The following UBTD1 variants were observed in gnomAD, a reference collection of about 807,000 sequenced individuals.
UBTD1 encodes ubiquitin domain containing 1.
UBTD1 carries 19 observed loss-of-function variants against 21.7 expected under a neutral mutation model. The ratio of observed to expected loss-of-function variants is 0.87; its 90% CI spans 0.61 to 1.28. The LOEUF is 1.28. UBTD1 is among the 50% of genes most tolerant of loss of function. The probability of loss-of-function intolerance (pLI) is 0.00; values close to 1 mark genes in which losing one functional copy is unlikely to be tolerated. For synonymous variants in UBTD1, 116 were observed against 135.1 expected (o/e 0.86, Z 0.98); for missense variants, 282 against 315.1 (o/e 0.89, Z 0.80).
chr10:97,554,485 G>A (rs1205697115), intron 1 of UBTD1, among the ~76,000 whole-genome samples: 9 of 151,920 alleles, frequency 5.9e-5, no homozygotes, highest in African/African-American at 1.9e-4. Context: ...GGACTCAAGC[G>A]ATCCACCTGC....
intron 1 of UBTD1, among the ~76,000 whole-genome samples, chr10:97,552,440 G>GGCTGGAGT (rs1436608789): frequency 7.6e-6 from 1 of 131,156 alleles, no homozygotes; most frequent in African/African-American, 2.8e-5. Flanking sequence ...CTGTGACCCA[G>GGCTGGAGT]GCTGGAGTGC....
chr10:97,558,630 G>GC lies in UBTD1; in HGVS notation c.71-9282dup, dbSNP rs573495547. Reference sequence around the variant, plus strand: ...CAAGTCAGGTAGCCTCAGGGCTGGGGCCGACATGAATTTTTTTTTTTTTTT... The same window carrying GC: ...CAAGTCAGGTAGCCTCAGGGCTGGGGCCCGACATGAATTTTTTTTTTTTTTT... On this transcript the variant is annotated intron_variant, in intron 1 of 2. Transcript: ENST00000370664. Among the ~76,000 whole-genome samples, 286 of 151,244 alleles carry GC rather than the reference G, an allele frequency of 1.9e-3. 1 individual carries two copies. The highest frequency in any genetic ancestry group is 6.9e-3 in the African/African-American group (280 of 40,686).
rs544483632 is a variant in UBTD1 at position 97,570,675 on chromosome 10, C to T, written c.*152C>T. On this transcript the variant is annotated 3_prime_UTR_variant, in exon 3 of 3. Transcript: ENST00000370664. This position sits in a 1 kb window ranked among gnomAD's most constrained non-coding sequence, Gnocchi z 6.6. ...AGGGACCCTGCCTTTCAGGGCACTA[C>T]GCGCCACCAGTTCCCGGTACCCAGG... 1.1e-4 allele frequency: 107 copies of T among 942,538 alleles called. No individual in the cohort carries two copies. The South Asian group carries it at 1.5e-3, about 13-fold the overall frequency. 58.4% of individuals were successfully genotyped at this position (942,538 alleles called of 1,614,324 possible). A position where few individuals can be genotyped will look rare whatever the true frequency, so the allele number is the denominator to read the frequency against.
At chr10:97,543,343 C>T (rs2040594903) in intron 1 of UBTD1, among the ~76,000 whole-genome samples, 1 of 152,216 alleles carries the variant, frequency 6.6e-6, no homozygotes, top group Non-Finnish European at 1.5e-5. Context: ...GGCACAGCTG[C>T]CTGCATGGCC....
At chr10:97,508,255 G>A (rs543405219) in intron 1 of UBTD1, among the ~76,000 whole-genome samples, 6 of 152,332 alleles carry the variant, frequency 3.9e-5, no homozygotes, top group Admixed American at 6.5e-5. Flanking sequence ...CAGAGCCCAC[G>A]CTTTGGGCCA....
chr10:97,565,670 C>T (rs189778984), intron 1 of UBTD1, among the ~76,000 whole-genome samples: 51 of 152,018 alleles, frequency 3.4e-4, no homozygotes, highest in Admixed American at 1.2e-3. Flanking sequence ...AAAAGACATC[C>T]GAATCTCAAT....
intron 1 of UBTD1, among the ~76,000 whole-genome samples, chr10:97,535,667 AC>A (rs1387113352): frequency 6.6e-6 from 1 of 152,096 alleles, no homozygotes; most frequent in Non-Finnish European, 1.5e-5. Flanking sequence ...AGTGGCTCAT[AC>A]CTATAATTCT....
intron 1 of UBTD1, among the ~76,000 whole-genome samples, chr10:97,541,001 C>T (rs1181452668): frequency 6.6e-6 from 1 of 152,144 alleles, no homozygotes; most frequent in Non-Finnish European, 1.5e-5. Flanking sequence ...AGGGGTTGGT[C>T]TTGCTGCCCT....
intron 1 of UBTD1, among the ~76,000 whole-genome samples, chr10:97,560,765 G>C (rs894989626): frequency 6.6e-5 from 10 of 151,720 alleles, no homozygotes; most frequent in African/African-American, 2.2e-4. Context: ...TTCCTAGTAG[G>C]GTGGGCTTAT....
intron 1 of UBTD1, among the ~76,000 whole-genome samples, chr10:97,556,189 A>G (rs551249557): frequency 8.5e-5 from 13 of 152,136 alleles, no homozygotes; most frequent in African/African-American, 2.6e-4. Context: ...AAATTCTTCT[A>G]TTGCTGGGAA....
Position 97,570,439 on chromosome 10 carries a change from C to G in UBTD1, c.600C>G (p.Asp200Glu). 4 of 1,613,252 alleles carry G rather than the reference C, an allele frequency of 2.5e-6. No individual in the cohort carries two copies. The highest frequency in any genetic ancestry group is 3.4e-6 in the Non-Finnish European group (4 of 1,179,954). The change falls in exon 3 of 3, where the codon GAC becomes GAG. Residue 200 changes from aspartate (D) to glutamate (E), a missense_variant. Asp to Glu is a conservative substitution (Grantham distance 45). Coordinates refer to ENST00000370664, the MANE Select transcript of UBTD1 (RefSeq NM_024954.5). The surrounding 1 kb of genome is among the most constrained non-coding windows in gnomAD (Gnocchi z 6.6). ...RWFFSGKLLT[D>E]RTRLQETKIQ... Reference sequence around the variant, plus strand: ...TCTTCTCCGGGAAGCTGCTCACAGACCGCACACGGCTCCAGGAGACCAAGA... The same window carrying G: ...TCTTCTCCGGGAAGCTGCTCACAGAGCGCACACGGCTCCAGGAGACCAAGA...
chr10:97,511,780 A>G (rs770449911), intron 1 of UBTD1, among the ~76,000 whole-genome samples: 1 of 152,202 alleles, frequency 6.6e-6, no homozygotes, highest in Non-Finnish European at 1.5e-5. Context: ...TGAAATCAGT[A>G]TAATTTATTA....
At chr10:97,516,051 G>A (rs1010141140) in intron 1 of UBTD1, among the ~76,000 whole-genome samples, 4 of 152,242 alleles carry the variant, frequency 2.6e-5, no homozygotes, top group African/African-American at 9.6e-5. Context: ...ACCCTCGGCA[G>A]AGCCCACCTG....
At chr10:97,547,301 G>A (rs1456454988) in intron 1 of UBTD1, among the ~76,000 whole-genome samples, 1 of 152,178 alleles carries the variant, frequency 6.6e-6, no homozygotes, top group African/African-American at 2.4e-5. Context: ...TCCCCTTCCT[G>A]GAGTCCTGAG....
chr10:97,499,655 C>A (rs1486902530), intron 1 of UBTD1, among the ~76,000 whole-genome samples: 1 of 152,184 alleles, frequency 6.6e-6, no homozygotes, highest in African/African-American at 2.4e-5. Context: ...GGCAGCCAGG[C>A]GTCCCCAGAA....
chr10:97,523,350 C>G (rs940724890), intron 1 of UBTD1, among the ~76,000 whole-genome samples: 1 of 152,234 alleles, frequency 6.6e-6, no homozygotes, highest in Non-Finnish European at 1.5e-5. Flanking sequence ...GTCTTCCATG[C>G]TCCAGGCACA....
intron 1 of UBTD1, among the ~76,000 whole-genome samples, chr10:97,559,553 A>G (rs1471330863): frequency 6.6e-6 from 1 of 152,222 alleles, no homozygotes; most frequent in Non-Finnish European, 1.5e-5. Context: ...TATTTCTTGT[A>G]TGATTTTTAT....
Position 97,568,202 on chromosome 10 carries a change from G to C in UBTD1, c.298+61G>C, listed in dbSNP as rs74996984. The C allele has an allele frequency of 5.3e-4, 831 of 1,575,116 alleles. 8 individuals are homozygous for C. In the African/African-American group the frequency reaches 9.6e-3, roughly 18 times the overall value. The stretch of plus-strand genomic sequence containing the variant: ...AGCTAGGGGGTCACCAGCACAGTTT[G>C]AGGGTGTTGAGGAGTGTGGAGCGGT... On this transcript the variant is annotated intron_variant, in intron 2 of 2. Coordinates refer to ENST00000370664, the MANE Select transcript of UBTD1 (RefSeq NM_024954.5).
At chr10:97,559,633 T>C (rs920751469) in intron 1 of UBTD1, among the ~76,000 whole-genome samples, 1 of 152,196 alleles carries the variant, frequency 6.6e-6, no homozygotes, top group African/African-American at 2.4e-5. Flanking sequence ...AATAAAACCT[T>C]GTAGACATAT....
Sources: allele counts gnomAD v4.1 joint callset (sites outside exome capture counted in the v4.1 genomes callset), GRCh38; gene constraint gnomAD v4.1.1; non-coding constraint Gnocchi (gnomAD v3.1); transcripts MANE v1.5; gene names NCBI Gene and HGNC (gene_info 2026-07-23, HGNC 2026-07-21).